Variants in ERC1 observed in about 807,000 individuals in gnomAD.
ERC1 encodes the protein ELKS/RAB6-interacting/CAST family member 1.
ERC1 carries 56 observed loss-of-function variants against 132.0 expected under a neutral mutation model. That is an observed-to-expected ratio of 0.42 (90% CI 0.34 to 0.53). ERC1 has a LOEUF of 0.53. Ranked by LOEUF, ERC1 falls within the 20% of genes least tolerant of loss-of-function variation. The probability of loss-of-function intolerance (pLI) is 0.03; values close to 1 mark genes in which losing one functional copy is unlikely to be tolerated. For missense variants in ERC1, 1,202 were observed against 1,349.9 expected, an observed-to-expected ratio of 0.89 and a Z score of 1.72; for synonymous variants, 478 against 476.1, an observed-to-expected ratio of 1.00 and a Z score of -0.05.
intron 18 of ERC1, among the ~76,000 whole-genome samples, chr12:1,467,207 T>G (rs1312263922): frequency 6.6e-6 from 1 of 152,160 alleles, no homozygotes; most frequent in East Asian, 1.9e-4. Context: ...AACAGAAAAG[T>G]GTGATGGGAT....
intron 16 of ERC1, among the ~76,000 whole-genome samples, chr12:1,393,777 C>G (rs1412283402): frequency 2.0e-5 from 3 of 151,698 alleles, no homozygotes; most frequent in Non-Finnish European, 4.4e-5. Flanking sequence ...CCTGTAATCC[C>G]AGCACTTTGG....
At chr12:1,332,129 A>G (rs1053148102) in intron 15 of ERC1, among the ~76,000 whole-genome samples, 4 of 151,874 alleles carry the variant, frequency 2.6e-5, no homozygotes, top group African/African-American at 9.7e-5. Context: ...TTTACTCTGT[A>G]TTTTTTATCT....
intron 18 of ERC1, among the ~76,000 whole-genome samples, chr12:1,484,725 A>C (rs756246917): frequency 7.3e-5 from 11 of 151,354 alleles, no homozygotes; most frequent in East Asian, 2.0e-4. Flanking sequence ...CTACAGGTGC[A>C]CGCCACCATG....
chr12:1,370,899 T>G (rs2154374225), intron 15 of ERC1, among the ~76,000 whole-genome samples: 1 of 152,228 alleles, frequency 6.6e-6, no homozygotes, highest in East Asian at 1.9e-4. Context: ...AGCTAATTTT[T>G]GTATGGTTTT....
intron 16 of ERC1, among the ~76,000 whole-genome samples, chr12:1,402,753 A>C (rs1777383291): frequency 6.6e-6 from 1 of 152,216 alleles, no homozygotes. Context: ...TGACTTAATT[A>C]GATGTGAAAT....
chr12:1,338,421 T>C (rs1195020471), intron 15 of ERC1, among the ~76,000 whole-genome samples: 1 of 152,230 alleles, frequency 6.6e-6, no homozygotes, highest in Non-Finnish European at 1.5e-5. Context: ...GGCTATTTTG[T>C]CTGTCAGCTC....
At chr12:1,133,951 T>C (rs1380202685) in intron 7 of ERC1, among the ~76,000 whole-genome samples, 1 of 152,246 alleles carries the variant, frequency 6.6e-6, no homozygotes, top group East Asian at 1.9e-4. Context: ...CTTTTTGTCC[T>C]TGTATTATGA....
At chr12:1,042,353 TTTTC>T (rs1592897274) in intron 2 of ERC1, among the ~76,000 whole-genome samples, 1 of 143,564 alleles carries the variant, frequency 7.0e-6, no homozygotes, top group Non-Finnish European at 1.5e-5. Context: ...TTTTTTTTTT[TTTTC>T]TTTTTTTGAA....
intron 17 of ERC1, among the ~76,000 whole-genome samples, chr12:1,423,961 A>G (rs930137594): frequency 6.6e-6 from 1 of 152,188 alleles, no homozygotes; most frequent in African/African-American, 2.4e-5. Context: ...TTCAATGAAT[A>G]CTTGTTGAAT....
chr12:1,328,595 G>A (rs144985313), intron 15 of ERC1, among the ~76,000 whole-genome samples: 243 of 152,122 alleles, frequency 1.6e-3, no homozygotes, highest in African/African-American at 5.6e-3. Flanking sequence ...CCACGCCCAT[G>A]TGACCTCACG....
intron 6 of ERC1, among the ~76,000 whole-genome samples, chr12:1,112,840 G>T (rs757888860): frequency 6.6e-6 from 1 of 151,994 alleles, no homozygotes; most frequent in Non-Finnish European, 1.5e-5. Context: ...CTTATTTCAG[G>T]TATCTAAATC....
At chr12:1,008,664 G>T (rs745584481) in intron 1 of ERC1, among the ~76,000 whole-genome samples, 19 of 151,724 alleles carry the variant, frequency 1.3e-4, no homozygotes, top group Non-Finnish European at 2.8e-4. Flanking sequence ...TTGTTCTTTC[G>T]TTATTTTCAA....
At chr12:1,332,967 T>C (rs554591353) in intron 15 of ERC1, among the ~76,000 whole-genome samples, 1 of 152,214 alleles carries the variant, frequency 6.6e-6, no homozygotes, top group Non-Finnish European at 1.5e-5. Flanking sequence ...GTTGTACAGA[T>C]TATTTCCTCG....
chr12:1,461,632 A>G (rs960724244), intron 18 of ERC1, among the ~76,000 whole-genome samples: 7 of 152,114 alleles, frequency 4.6e-5, no homozygotes, highest in Non-Finnish European at 1.0e-4. Context: ...GCACCATTGC[A>G]CTCCAGCCTG....
chr12:1,327,028 T>A (rs761802310), intron 15 of ERC1, among the ~76,000 whole-genome samples: 5 of 152,206 alleles, frequency 3.3e-5, no homozygotes, highest in Admixed American at 6.5e-5. Flanking sequence ...GGTTCATAAA[T>A]GCTGGGGATT....
At chr12:1,020,346 A>G (rs1966163276) in intron 1 of ERC1, among the ~76,000 whole-genome samples, 1 of 152,190 alleles carries the variant, frequency 6.6e-6, no homozygotes, top group Admixed American at 6.5e-5. Flanking sequence ...AATCCCAGCT[A>G]CTTGGGAGGC....
chr12:1,148,821 C>G (rs1950596222), intron 8 of ERC1, among the ~76,000 whole-genome samples: 1 of 152,252 alleles, frequency 6.6e-6, no homozygotes, highest in East Asian at 1.9e-4. Flanking sequence ...AGGCTGGTCT[C>G]AAACTTCTGA....
intron 2 of ERC1, among the ~76,000 whole-genome samples, chr12:1,042,401 A>G (rs994431896): frequency 1.5e-5 from 2 of 135,746 alleles, no homozygotes; most frequent in African/African-American, 5.5e-5. Flanking sequence ...GATGGAGTGC[A>G]GTGACACGAT....
intron 17 of ERC1, among the ~76,000 whole-genome samples, chr12:1,441,312 CAG>C: frequency 1.3e-5 from 2 of 151,720 alleles, no homozygotes; most frequent in African/African-American, 2.4e-5. Flanking sequence ...CTACCCGCCT[CAG>C]CCTCCCAAAG....
Sources: gnomAD v4.1 joint callset for allele counts (sites outside exome capture counted in the v4.1 genomes callset) on GRCh38, gnomAD v4.1.1 for gene constraint, MANE v1.5 for transcripts, NCBI Gene and HGNC (gene_info 2026-07-23, HGNC 2026-07-21) for gene names.